The following DNAJC5 variants were observed in gnomAD, a reference collection of about 807,000 sequenced individuals.
DNAJC5 encodes the protein dnaJ homolog subfamily C member 5.
In DNAJC5, 1 loss-of-function variant was observed where a neutral mutation model predicts 23.2. The observed-to-expected ratio is 0.04, with a 90% CI of 0.02 to 0.20. The LOEUF (loss-of-function observed/expected upper bound fraction) is 0.20. Among genes scored for constraint, DNAJC5 ranks in the 10% least tolerant of loss-of-function variants. DNAJC5 has a pLI of 1.00. For synonymous variants in DNAJC5, 136 were observed against 120.0 expected, an observed-to-expected ratio of 1.13 and a Z score of -0.87; for missense variants, 180 against 267.0, an observed-to-expected ratio of 0.67 and a Z score of 2.27.
chr20:63,933,654 A>T lies in DNAJC5; in HGVS notation c.*2086A>T, dbSNP rs2146312708. ...TTCGTGCAGCAGCAAGTTCAGCCTG[A>T]GATGCTGGCTGTACTCAGCCTTTGC... On this transcript the variant is annotated 3_prime_UTR_variant, in exon 5 of 5. Coordinates refer to ENST00000360864, the MANE Select transcript of DNAJC5 (RefSeq NM_025219.3). 6.6e-6 allele frequency: 1 copy of T among 152,502 alleles called. No individual in the cohort carries two copies. Among genetic ancestry groups the T allele is most frequent in the East Asian group, 1.9e-4 (1 of 5,326 alleles). 9.4% of individuals were successfully genotyped at this position (152,502 alleles called of 1,614,324 possible). A position where few individuals can be genotyped will look rare whatever the true frequency, so the allele number is the denominator to read the frequency against.
rs766037792 is a variant in DNAJC5, at chr20:63,932,726, A to T, written c.*1158A>T. 6.6e-6 allele frequency: 1 copy of T among 152,302 alleles called. No individual in the cohort carries two copies. Among genetic ancestry groups the T allele is most frequent in the Non-Finnish European group, 1.5e-5 (1 of 68,076 alleles). 9.4% of individuals were successfully genotyped at this position (152,302 alleles called of 1,614,324 possible). Reference sequence around the variant, plus strand: ...CTGGACCAGAGGGACCCTCTGGCTCAGGAGGGTTGGGTCCCTGGGAGGCCG... The same window carrying T: ...CTGGACCAGAGGGACCCTCTGGCTCTGGAGGGTTGGGTCCCTGGGAGGCCG... On this transcript the variant is annotated 3_prime_UTR_variant, in exon 5 of 5. Transcript: ENST00000360864. The surrounding 1 kb of genome is among the most constrained non-coding windows in gnomAD (Gnocchi z 4.4).
intron 1 of DNAJC5, among the ~76,000 whole-genome samples, chr20:63,899,814 C>G (rs7264555): frequency 1.6e-3 from 238 of 151,000 alleles, no homozygotes; most frequent in African/African-American, 5.4e-3. Context: ...ATCTCCTGAC[C>G]TTGTGATCCG....
chr20:63,931,316 C>T lies in DNAJC5; in HGVS notation c.494-149C>T, dbSNP rs558503219. Reference sequence around the variant, plus strand: ...GAGGGCTGGCGGTGACCCAAGGCGACGGAGGAAAGCCGTGTGGGGTGGAGG... The same window carrying T: ...GAGGGCTGGCGGTGACCCAAGGCGATGGAGGAAAGCCGTGTGGGGTGGAGG... On this transcript the variant is annotated intron_variant, in intron 4 of 4. Coordinates refer to ENST00000360864, the MANE Select transcript of DNAJC5 (RefSeq NM_025219.3). This position sits in a 1 kb window ranked among gnomAD's most constrained non-coding sequence, Gnocchi z 9.6. 15 of 882,302 alleles carry T rather than the reference C, an allele frequency of 1.7e-5. 1 individual carries two copies. The highest frequency in any genetic ancestry group is 5.8e-5 in the South Asian group (4 of 69,184). The allele number at this position is 882,302 out of a possible 1,614,324, so 54.7% of individuals were successfully genotyped here. A position where few individuals can be genotyped will look rare whatever the true frequency, so the allele number is the denominator to read the frequency against.
chr20:63,923,523 G>C (rs969829963), intron 1 of DNAJC5, among the ~76,000 whole-genome samples: 3 of 152,134 alleles, frequency 2.0e-5, no homozygotes, highest in African/African-American at 7.2e-5. Flanking sequence ...CGGATTGCTT[G>C]AGTCTGGGAG....
At chr20:63,909,570 A>G (rs2053469566) in intron 1 of DNAJC5, among the ~76,000 whole-genome samples, 1 of 151,880 alleles carries the variant, frequency 6.6e-6, no homozygotes. Flanking sequence ...AGTCCCAGCT[A>G]CTCTGGAGGC....
rs2053668311 is a variant in DNAJC5, at chr20:63,931,312, G to A, written c.494-153G>A. ...GGCCGAGGGCTGGCGGTGACCCAAG[G>A]CGACGGAGGAAAGCCGTGTGGGGTG... On this transcript the variant is annotated intron_variant, in intron 4 of 4. Transcript: ENST00000360864. The surrounding 1 kb of genome is among the most constrained non-coding windows in gnomAD (Gnocchi z 9.6). The A allele has an allele frequency of 2.3e-6, 2 of 863,884 alleles. No individual in the cohort carries two copies. Among genetic ancestry groups the A allele is most frequent in the Non-Finnish European group, 3.7e-6 (2 of 539,034 alleles). The allele number at this position is 863,884 out of a possible 1,614,324, so 53.5% of individuals were successfully genotyped here. A position where few individuals can be genotyped will look rare whatever the true frequency, so the allele number is the denominator to read the frequency against.
intron 1 of DNAJC5, among the ~76,000 whole-genome samples, chr20:63,909,884 T>C (rs960136619): frequency 9.2e-5 from 14 of 152,194 alleles, no homozygotes; most frequent in Non-Finnish European, 2.1e-4. Flanking sequence ...GATTTAGTAT[T>C]GTGAGGGTAG....
At chr20:63,926,214 T>G (rs546636341) in intron 1 of DNAJC5, among the ~76,000 whole-genome samples, 6 of 152,362 alleles carry the variant, frequency 3.9e-5, no homozygotes, top group African/African-American at 1.4e-4. Flanking sequence ...CTTGGTAAAT[T>G]GTAATTTTCA....
chr20:63,913,047 C>G (rs1432796784), intron 1 of DNAJC5, among the ~76,000 whole-genome samples: 1 of 151,840 alleles, frequency 6.6e-6, no homozygotes, highest in Admixed American at 6.6e-5. Context: ...CCAAGGGCAT[C>G]TAGAGCAAAG....
intron 1 of DNAJC5, among the ~76,000 whole-genome samples, chr20:63,921,011 G>C (rs2053566838): frequency 6.6e-6 from 1 of 151,996 alleles, no homozygotes. Context: ...GCAGACTGGA[G>C]TGCAACGGCA....
At chr20:63,900,576 CAAAAAAAAAA>C (rs752326573) in intron 1 of DNAJC5, among the ~76,000 whole-genome samples, 13 of 65,272 alleles carry the variant, frequency 2.0e-4, no homozygotes, top group South Asian at 1.3e-3. Context: ...GACACTGTCT[CAAAAAAAAAA>C]AAAAAAAAAA....
intron 1 of DNAJC5, among the ~76,000 whole-genome samples, chr20:63,925,441 C>T (rs181712035): frequency 6.6e-6 from 1 of 152,158 alleles, no homozygotes; most frequent in African/African-American, 2.4e-5. Flanking sequence ...TGAGGTCACA[C>T]CACTGCACTC....
At chr20:63,896,112 C>T (rs548070943) in intron 1 of DNAJC5, among the ~76,000 whole-genome samples, 37 of 152,320 alleles carry the variant, frequency 2.4e-4, no homozygotes, top group African/African-American at 8.7e-4. Flanking sequence ...GGTGGTTAGA[C>T]ACGTCTGCCC....
At chr20:63,912,009 G>A (rs2053485635) in intron 1 of DNAJC5, among the ~76,000 whole-genome samples, 1 of 152,010 alleles carries the variant, frequency 6.6e-6, no homozygotes, top group Non-Finnish European at 1.5e-5. Flanking sequence ...TTCATTTTAA[G>A]TTAGGAGGAA....
intron 1 of DNAJC5, among the ~76,000 whole-genome samples, chr20:63,899,543 T>C (rs2053395820): frequency 1.3e-5 from 2 of 152,280 alleles, no homozygotes; most frequent in East Asian, 1.9e-4. Flanking sequence ...CAAGCATTGA[T>C]ATTTCAAATT....
rs2053667391 is a variant in DNAJC5, at chr20:63,931,217, C to A, written c.493+195C>A. ...GCGCATAGAGCTGTCCCCGCCGTGA[C>A]CTGCGGTAGCCGTAGATCCCAGGGA... On this transcript the variant is annotated intron_variant, in intron 4 of 4. Transcript: ENST00000360864. The surrounding 1 kb of genome is among the most constrained non-coding windows in gnomAD (Gnocchi z 9.6). 2.5e-6 allele frequency: 2 copies of A among 794,730 alleles called. No individual in the cohort carries two copies. Among genetic ancestry groups the A allele is most frequent in the African/African-American group, 1.7e-5 (1 of 58,930 alleles). The allele number at this position is 794,730 out of a possible 1,614,324, so 49.2% of individuals were successfully genotyped here.
chr20:63,919,388 G>A (rs1406384931), intron 1 of DNAJC5: 14 of 493,782 alleles, frequency 2.8e-5, no homozygotes, highest in Admixed American at 8.2e-5. Context: ...GGACGCACCC[G>A]GCTGTGTGGA....
chr20:63,925,908 A>C (rs2053610426), intron 1 of DNAJC5, among the ~76,000 whole-genome samples: 1 of 150,124 alleles, frequency 6.7e-6, no homozygotes, highest in Admixed American at 6.7e-5. Context: ...GCTCACTGCA[A>C]GCTCCGCCTT....
Position 63,909,396 on chromosome 20 carries a change from G to A in DNAJC5, c.-12+14073G>A, listed in dbSNP as rs575950309. Among the ~76,000 whole-genome samples, 8 of 152,222 alleles carry A rather than the reference G, an allele frequency of 5.3e-5. No individual in the cohort carries two copies. In the South Asian group the frequency reaches 6.2e-4, roughly 12 times the overall value. On this transcript the variant is annotated intron_variant, in intron 1 of 4. Coordinates refer to ENST00000360864, the MANE Select transcript of DNAJC5 (RefSeq NM_025219.3). ...CGGGCGCCTGTAGTCCCAGCTACTC[G>A]GGAGGCTGAGGCAGGAGAATGGCGT... is the stretch of plus-strand genomic sequence containing the variant.
Sources: allele counts gnomAD v4.1 joint callset (sites outside exome capture counted in the v4.1 genomes callset), GRCh38; gene constraint gnomAD v4.1.1; non-coding constraint Gnocchi (gnomAD v3.1); transcripts MANE v1.5; gene names NCBI Gene and HGNC (gene_info 2026-07-23, HGNC 2026-07-21).